ENTREP2: variants seen among roughly 807,000 people sequenced by gnomAD.
The protein encoded by ENTREP2 is endosomal transmembrane epsin interactor 2.
the ENTREP2 span, among the ~76,000 whole-genome samples, chr15:29,235,998 C>G: frequency 0.39 from 59,442 of 151,228 alleles, 11,906 homozygotes; most frequent in East Asian, 0.6. Context: ...AAACCCAAAG[C>G]AAACAGAAGA....
the ENTREP2 span, among the ~76,000 whole-genome samples, chr15:29,184,569 T>C: frequency 2.0e-5 from 3 of 152,176 alleles, no homozygotes; most frequent in African/African-American, 7.2e-5. Flanking sequence ...GCCTCCATTT[T>C]CCCATCTCCT....
chr15:29,373,565 T>G, the ENTREP2 span: 1 of 152,154 alleles, frequency 6.6e-6, no homozygotes, highest in African/African-American at 2.4e-5. Context: ...AATTATAAGA[T>G]TGTGTTGTGT....
chr15:29,290,743 T>C, the ENTREP2 span, among the ~76,000 whole-genome samples: 1 of 152,182 alleles, frequency 6.6e-6, no homozygotes, highest in Admixed American at 6.5e-5. Context: ...CACCAGTAGG[T>C]TCCTCTGCCT....
At chr15:29,598,991 T>C in the ENTREP2 span, among the ~76,000 whole-genome samples, 74,545 of 152,198 alleles carry the variant, frequency 0.49, 18,752 homozygotes, top group Non-Finnish European at 0.55. Context: ...CCACGGCGCC[T>C]GGCCAAAGTG....
chr15:29,573,614 CTT>C, the ENTREP2 span, among the ~76,000 whole-genome samples: 5 of 140,888 alleles, frequency 3.5e-5, no homozygotes, highest in Admixed American at 7.2e-5. Context: ...TCTCTCTCTT[CTT>C]TCTCTCTCTC....
At chr15:29,444,210 G>GAAAGAAAGA in the ENTREP2 span, among the ~76,000 whole-genome samples, 270 of 146,018 alleles carry the variant, frequency 1.8e-3, 3 homozygotes, top group African/African-American at 6.9e-3. Flanking sequence ...AAGAAAGAAA[G>GAAAGAAAGA]AAAGAAAGAA....
chr15:29,195,206 C>G, the ENTREP2 span: 1 of 985,406 alleles, frequency 1.0e-6, no homozygotes, highest in East Asian at 1.1e-4. Flanking sequence ...TGGGACCATC[C>G]AACTTGGACC....
the ENTREP2 span, among the ~76,000 whole-genome samples, chr15:29,217,485 G>A: frequency 4.6e-4 from 70 of 152,268 alleles, no homozygotes; most frequent in Non-Finnish European, 7.6e-4. Flanking sequence ...GTTGGATTGG[G>A]TTAATTTGAA....
At chr15:29,337,089 T>C in the ENTREP2 span, among the ~76,000 whole-genome samples, 6 of 152,180 alleles carry the variant, frequency 3.9e-5, no homozygotes, top group Non-Finnish European at 5.9e-5. Context: ...GAGAACAGTG[T>C]TTAAATTATG....
At chr15:29,197,538 C>T in the ENTREP2 span, among the ~76,000 whole-genome samples, 3 of 152,110 alleles carry the variant, frequency 2.0e-5, no homozygotes, top group East Asian at 1.9e-4. Flanking sequence ...GAGGCTGAGG[C>T]GGGCAGATCA....
the ENTREP2 span, among the ~76,000 whole-genome samples, chr15:29,388,755 A>C: frequency 1.2e-4 from 18 of 152,184 alleles, no homozygotes; most frequent in African/African-American, 4.1e-4. Flanking sequence ...AAAATATGCC[A>C]CATATACAAC....
chr15:29,567,460 T>C, the ENTREP2 span, among the ~76,000 whole-genome samples: 1 of 152,234 alleles, frequency 6.6e-6, no homozygotes, highest in Non-Finnish European at 1.5e-5. Flanking sequence ...GAGTTTGGCC[T>C]CTAAAAAGTC....
At chr15:29,354,693 A>C in the ENTREP2 span, among the ~76,000 whole-genome samples, 1 of 152,204 alleles carries the variant, frequency 6.6e-6, no homozygotes, top group Non-Finnish European at 1.5e-5. Context: ...GAAAAGGAAG[A>C]GATGAGAATA....
At chr15:29,436,130 ATGTCG>A in the ENTREP2 span, among the ~76,000 whole-genome samples, 1 of 152,212 alleles carries the variant, frequency 6.6e-6, no homozygotes, top group Admixed American at 6.5e-5. Flanking sequence ...GGCAGTTCAG[ATGTCG>A]GAGATCTTGC....
At chr15:29,518,216 A>G in the ENTREP2 span, among the ~76,000 whole-genome samples, 4 of 152,136 alleles carry the variant, frequency 2.6e-5, no homozygotes, top group Non-Finnish European at 5.9e-5. Context: ...AAAACAAAAC[A>G]AAACAAAACA....
At chr15:29,581,976 C>G in the ENTREP2 span, among the ~76,000 whole-genome samples, 1 of 145,818 alleles carries the variant, frequency 6.9e-6, no homozygotes, top group African/African-American at 2.5e-5. Flanking sequence ...GAGGCTTGCT[C>G]TGTTGCCCAA....
At chr15:29,144,839 A>G in the ENTREP2 span, among the ~76,000 whole-genome samples, 3 of 152,264 alleles carry the variant, frequency 2.0e-5, no homozygotes, top group African/African-American at 4.8e-5. Flanking sequence ...CAGGAGTCCA[A>G]GACAAGCCTG....
At chr15:29,633,789 TCTCTACTA>T in the ENTREP2 span, among the ~76,000 whole-genome samples, 19 of 152,096 alleles carry the variant, frequency 1.2e-4, no homozygotes, top group African/African-American at 4.6e-4. Context: ...GGTGAAACTG[TCTCTACTA>T]AAAATACAAG....
At chr15:29,520,627 G>A in the ENTREP2 span, among the ~76,000 whole-genome samples, 73 of 151,760 alleles carry the variant, frequency 4.8e-4, no homozygotes, top group Middle Eastern at 3.2e-3. Flanking sequence ...CACATACAAT[G>A]TAAAGCTAAA....
Sources: gnomAD v4.1 joint callset for allele counts (sites outside exome capture counted in the v4.1 genomes callset) on GRCh38, gnomAD v4.1.1 for gene constraint, MANE v1.5 for transcripts, NCBI Gene and HGNC (gene_info 2026-07-23, HGNC 2026-07-21) for gene names.